LIPA: variants seen among roughly 807,000 people sequenced by gnomAD.
The protein encoded by LIPA is lysosomal acid lipase/cholesteryl ester hydrolase.
In LIPA, 26 loss-of-function variants were observed where a neutral mutation model predicts 40.6. The observed-to-expected ratio is 0.64, with a 90% CI of 0.47 to 0.89. The LOEUF is 0.89. LIPA is among the 40% of genes least tolerant of loss of function. LIPA has a pLI of 0.00. For missense variants in LIPA, 455 were observed against 479.6 expected (o/e 0.95, Z 0.48); for synonymous variants, 188 against 168.4 (o/e 1.12, Z -0.90).
intron 3 of LIPA, 40 bp from the exon 4 acceptor site, chr10:89,228,438 C>G: frequency 6.6e-7 from 1 of 1,513,478 alleles, no homozygotes; most frequent in Non-Finnish European, 9.2e-7. Context: ...TAGCACCAAG[C>G]TTCAAAACAA....
intron 1 of LIPA, among the ~76,000 whole-genome samples, chr10:89,290,047 T>C (rs1354805194): frequency 6.6e-6 from 1 of 151,786 alleles, no homozygotes; most frequent in African/African-American, 2.4e-5. Context: ...TGTTTTTACC[T>C]AAATCAATCT....
intron 1 of LIPA, chr10:89,247,970 C>G (rs1450300721): frequency 6.3e-6 from 1 of 158,342 alleles, no homozygotes; most frequent in Non-Finnish European, 1.3e-5. Context: ...CTGGTTCAAG[C>G]AATTCTTCTG....
Position 89,250,107 on chromosome 10 carries a change from CT to C in LIPA, c.-2+1629del, listed in dbSNP as rs398038546. ...TTTTTCTTTTTCTTTTCTTTTCTTTCTTTTTTTTTTTTGAGACAGTCTTGCT... is the reference window on the plus strand; with the variant it reads ...TTTTTCTTTTTCTTTTCTTTTCTTTCTTTTTTTTTTTGAGACAGTCTTGCT... On this transcript the variant is annotated intron_variant, in intron 1 of 9. Transcript: ENST00000336233. Among the ~76,000 whole-genome samples the C allele has an allele frequency of 6.0e-4, 58 of 96,012 alleles. 1 individual carries two copies. The highest frequency in any genetic ancestry group is 9.3e-4 in the South Asian group (2 of 2,150). The allele number at this position is 96,012 out of a possible 152,430, so 63.0% of individuals were successfully genotyped here.
rs1843365664 is a variant in LIPA, at chr10:89,290,141, TCTTGGACCCC to T, written c.-1-42502_-1-42493del. 2.6e-5 allele frequency among the ~76,000 whole-genome samples: 4 copies of T among 152,246 alleles called. No individual in the cohort carries two copies. The South Asian group carries it at 8.3e-4, about 32-fold the overall frequency. Reference sequence around the variant, plus strand: ...CCAAGCAAGTAATTACACTAAACCCTCTTGGACCCCCTTGGACACTCTCTAATTAGATGTC... The same window carrying T: ...CCAAGCAAGTAATTACACTAAACCCTCTTGGACACTCTCTAATTAGATGTC... On this transcript the variant is annotated intron_variant, in intron 1 of 5. Transcript: ENST00000282673.
At chr10:89,326,523 A>G (rs1416519579) in intron 1 of LIPA, among the ~76,000 whole-genome samples, 2 of 152,244 alleles carry the variant, frequency 1.3e-5, no homozygotes, top group African/African-American at 4.8e-5. Context: ...AGTGTTTGTT[A>G]GAACAAGAGG....
intron 2 of LIPA, chr10:89,362,795 C>A: frequency 3.7e-6 from 2 of 546,394 alleles, no homozygotes; most frequent in Non-Finnish European, 3.1e-6. Context: ...CCAAGGCCTG[C>A]TTTGAAAAGG....
chr10:89,400,586 T>G (rs1461568847), intron 2 of LIPA, among the ~76,000 whole-genome samples: 1 of 152,228 alleles, frequency 6.6e-6, no homozygotes, highest in African/African-American at 2.4e-5. Context: ...TTTAAATTGT[T>G]ACTATATAGA....
intron 1 of LIPA, among the ~76,000 whole-genome samples, chr10:89,305,345 T>C (rs1843471592): frequency 6.6e-6 from 1 of 151,774 alleles, no homozygotes; most frequent in South Asian, 2.1e-4. Context: ...CTCAGAAAGT[T>C]TGAATAGACA....
At chr10:89,378,111 G>T in intron 2 of LIPA, 1 of 1,613,606 alleles carries the variant, frequency 6.2e-7, no homozygotes, top group South Asian at 1.1e-5. Context: ...AAGCACTACA[G>T]ATCACCTGCT....
chr10:89,302,865 C>A (rs1843454160), intron 1 of LIPA, among the ~76,000 whole-genome samples: 1 of 152,096 alleles, frequency 6.6e-6, no homozygotes, highest in Admixed American at 6.5e-5. Context: ...TTGCCTAACC[C>A]TCATCCTGGG....
intron 2 of LIPA, among the ~76,000 whole-genome samples, chr10:89,381,797 T>C (rs1270372938): frequency 6.6e-6 from 1 of 152,166 alleles, no homozygotes. Flanking sequence ...TTATTATTAA[T>C]TTTTTTGAGA....
intron 3 of LIPA, among the ~76,000 whole-genome samples, chr10:89,232,418 A>G (rs182343262): frequency 7.1e-4 from 108 of 152,332 alleles, no homozygotes; most frequent in African/African-American, 2.5e-3. Context: ...AACGACTGCA[A>G]TCGTCTTCCC....
At chr10:89,338,563 A>T (rs1353081877) in intron 1 of LIPA, 8 of 1,158,376 alleles carry the variant, frequency 6.9e-6, no homozygotes, top group Non-Finnish European at 9.8e-6. Context: ...ATATCTGGGC[A>T]TCCTGTGGCC....
At position 89,266,352 on chromosome 10, in the gene LIPA, G is replaced by C. The variant is rs77237652; in HGVS notation, c.-1-18703C>G. On this transcript the variant is annotated intron_variant, in intron 1 of 5. Coordinates refer to the LIPA transcript ENST00000282673. The stretch of plus-strand genomic sequence containing the variant: ...GTAGCATATAAATTCAGTCAAGAAT[G>C]ATGGTGATGCCAAACAACCACAGAC... 3.3e-3 allele frequency among the ~76,000 whole-genome samples: 499 copies of C among 152,162 alleles called. 1 individual carries two copies. Among genetic ancestry groups the C allele is most frequent in the Middle Eastern group, 0.017 (5 of 294 alleles).
intron 2 of LIPA, among the ~76,000 whole-genome samples, chr10:89,355,509 T>G (rs1843984061): frequency 6.6e-6 from 1 of 152,244 alleles, no homozygotes; most frequent in South Asian, 2.1e-4. Context: ...CAGTTGAAAT[T>G]ATAAAGGATA....
intron 1 of LIPA, among the ~76,000 whole-genome samples, chr10:89,342,043 A>T (rs2133579042): frequency 6.6e-6 from 1 of 152,358 alleles, no homozygotes; most frequent in Admixed American, 6.5e-5. Flanking sequence ...ATATTAAAAC[A>T]TGCTATACAC....
intron 2 of LIPA, chr10:89,392,480 C>G (rs897116276): frequency 4.1e-6 from 1 of 242,752 alleles, no homozygotes; most frequent in South Asian, 1.1e-4. Context: ...CACCCCCCCC[C>G]GTCAGCAGGA....
intron 2 of LIPA, among the ~76,000 whole-genome samples, chr10:89,399,922 C>A (rs980293619): frequency 6.6e-6 from 1 of 152,184 alleles, no homozygotes; most frequent in Non-Finnish European, 1.5e-5. Context: ...CAAGAAGGAG[C>A]CATCTGCAAT....
At chr10:89,414,413 A>T (rs1841507687) in exon 1 of LIPA, 2 of 220,122 alleles carry the variant, frequency 9.1e-6, no homozygotes, top group Middle Eastern at 1.5e-3. Context: ...GTACTCAGGG[A>T]GGCAGATAAA....
Sources: allele counts gnomAD v4.1 joint callset (sites outside exome capture counted in the v4.1 genomes callset), GRCh38; gene constraint gnomAD v4.1.1; transcripts MANE v1.5; gene names NCBI Gene and HGNC (gene_info 2026-07-23, HGNC 2026-07-21).